MSH3: variants seen among roughly 807,000 people sequenced by gnomAD.
The protein encoded by MSH3 is mutS homolog 3.
Under a neutral mutation model 123.3 loss-of-function variants are expected in MSH3, and 106 were observed. The observed-to-expected ratio is 0.86, with a 90% confidence interval of 0.73 to 1.01. MSH3 has a LOEUF of 1.01. Ranked by LOEUF, MSH3 falls within the 50% of genes least tolerant of loss-of-function variation. The pLI is 0.00. For missense variants in MSH3, 1,459 were observed against 1,347.6 expected, an observed-to-expected ratio of 1.08 and a Z score of -1.29; for synonymous variants, 515 against 481.4, an observed-to-expected ratio of 1.07 and a Z score of -0.91.
chr5:80,723,806 A>G (rs1010094100), intron 8 of MSH3, among the ~76,000 whole-genome samples: 6 of 152,034 alleles, frequency 3.9e-5, no homozygotes, highest in African/African-American at 1.5e-4. Flanking sequence ...ACTCTTGCTC[A>G]GGCTGGAGTG....
At chr5:80,850,345 A>G (rs1400668379) in intron 20 of MSH3, among the ~76,000 whole-genome samples, 2 of 152,136 alleles carry the variant, frequency 1.3e-5, no homozygotes, top group Admixed American at 1.3e-4. Flanking sequence ...CACTTTTTCA[A>G]GTATCTTTCC....
At chr5:80,846,331 G>A (rs2112097194) in intron 20 of MSH3, among the ~76,000 whole-genome samples, 1 of 151,878 alleles carries the variant, frequency 6.6e-6, no homozygotes, top group Middle Eastern at 3.4e-3. Flanking sequence ...CCTACTGGGA[G>A]GTGTCTCCCA....
chr5:80,729,492 CAAAT>C (rs1743373021), intron 10 of MSH3, among the ~76,000 whole-genome samples: 3 of 141,322 alleles, frequency 2.1e-5, no homozygotes, highest in Admixed American at 7.3e-5. Context: ...AGAATTCTGT[CAAAT>C]AAATTGTATT....
intron 20 of MSH3, among the ~76,000 whole-genome samples, chr5:80,844,802 G>A (rs776432627): frequency 4.6e-5 from 7 of 151,750 alleles, no homozygotes; most frequent in African/African-American, 1.7e-4. Context: ...GTTTTTGCAC[G>A]TGAGATGGGT....
At chr5:80,719,683 A>AAT (rs1473104143) in intron 8 of MSH3, among the ~76,000 whole-genome samples, 1 of 152,214 alleles carries the variant, frequency 6.6e-6, no homozygotes, top group Non-Finnish European at 1.5e-5. Context: ...TCACAGTTGT[A>AAT]ATATATCTGC....
chr5:80,743,700 C>T (rs1475672269), intron 11 of MSH3, among the ~76,000 whole-genome samples: 1 of 52,190 alleles, frequency 1.9e-5, no homozygotes, highest in Non-Finnish European at 3.7e-5. Context: ...AAAAATTAGC[C>T]GGGCGTGGTG....
intron 12 of MSH3, chr5:80,746,461 A>G (rs12517934): frequency 8.1e-6 from 4 of 496,382 alleles, no homozygotes; most frequent in South Asian, 1.5e-5. Flanking sequence ...TGTATTGGCA[A>G]CAGTCTTGTG....
At chr5:80,856,233 A>G (rs1429100295) in intron 21 of MSH3, among the ~76,000 whole-genome samples, 1 of 152,020 alleles carries the variant, frequency 6.6e-6, no homozygotes, top group Admixed American at 6.6e-5. Flanking sequence ...AGAGTGACTC[A>G]GGTTTTGTTT....
intron 8 of MSH3, among the ~76,000 whole-genome samples, chr5:80,714,130 CTTTTTTTTTT>C (rs34918629): frequency 4.7e-5 from 4 of 85,820 alleles, no homozygotes; most frequent in Non-Finnish European, 8.7e-5. Context: ...TTCAAATAGA[CTTTTTTTTTT>C]TTTTTTTTTT....
At chr5:80,792,157 C>A (rs953796779) in intron 18 of MSH3, among the ~76,000 whole-genome samples, 2 of 151,936 alleles carry the variant, frequency 1.3e-5, no homozygotes, top group African/African-American at 4.8e-5. Context: ...TTATTGTATT[C>A]ATTAATGAAA....
intron 8 of MSH3, among the ~76,000 whole-genome samples, chr5:80,695,647 A>G (rs1183348917): frequency 6.6e-6 from 1 of 151,812 alleles, no homozygotes; most frequent in Admixed American, 6.6e-5. Context: ...TTTTTTGTTT[A>G]TGCCTTCTAT....
Position 80,776,911 on chromosome 5 carries a change from A to AAT in MSH3, c.2318+1170_2318+1171dup, listed in dbSNP as rs1300433748. 1.7e-3 allele frequency among the ~76,000 whole-genome samples: 243 copies of AAT among 140,990 alleles called. 1 individual carries two copies. The highest frequency in any genetic ancestry group is 4.5e-3 in the African/African-American group (174 of 38,796). 92.5% of individuals were successfully genotyped at this position (140,990 alleles called of 152,430 possible). A position where few individuals can be genotyped will look rare whatever the true frequency, so the allele number is the denominator to read the frequency against. ...ACATATATACAAAAAATATAATACA[A>AAT]ATATATATATATATATATTTTTTTT... On this transcript the variant is annotated intron_variant, in intron 16 of 23. Transcript: ENST00000265081.
intron 9 of MSH3, among the ~76,000 whole-genome samples, chr5:80,726,091 G>A (rs1029081035): frequency 1.3e-5 from 2 of 152,180 alleles, no homozygotes; most frequent in Non-Finnish European, 2.9e-5. Context: ...TCTAGTGACA[G>A]GTCGAAATAT....
chr5:80,826,890 T>C (rs969682007), intron 20 of MSH3, among the ~76,000 whole-genome samples: 2 of 152,184 alleles, frequency 1.3e-5, no homozygotes, highest in African/African-American at 2.4e-5. Context: ...CACATGAATC[T>C]TTTCCTGAAT....
intron 8 of MSH3, among the ~76,000 whole-genome samples, chr5:80,683,124 G>A (rs565922072): frequency 6.6e-6 from 1 of 152,300 alleles, no homozygotes; most frequent in South Asian, 2.1e-4. Flanking sequence ...ACACCTGGGT[G>A]CTCGCAAATC....
chr5:80,765,945 A>G lies in MSH3; in HGVS notation c.1897-1988A>G, dbSNP rs182134315. Among the ~76,000 whole-genome samples the G allele has an allele frequency of 3.0e-4, 46 of 152,308 alleles. No homozygotes were observed. In the East Asian group the frequency reaches 8.3e-3, roughly 27 times the overall value. ...CATTTGATTGGTAGTTTGGATTGGT[A>G]TAAAATTCTAGGTTTTAGATGACTT... On this transcript the variant is annotated intron_variant, in intron 13 of 23. Transcript: ENST00000265081.
chr5:80,815,393 G>A (rs1286432621), intron 20 of MSH3, among the ~76,000 whole-genome samples: 1 of 151,790 alleles, frequency 6.6e-6, no homozygotes, highest in Non-Finnish European at 1.5e-5. Flanking sequence ...AGAGAAAAAA[G>A]AAAAAAATTA....
chr5:80,781,446 T>G (rs1293227846), intron 17 of MSH3, among the ~76,000 whole-genome samples: 1 of 152,034 alleles, frequency 6.6e-6, no homozygotes, highest in Non-Finnish European at 1.5e-5. Context: ...TGATTCTTTC[T>G]TCCTTTTGGT....
chr5:80,845,227 C>A (rs989749866), intron 20 of MSH3, among the ~76,000 whole-genome samples: 1 of 152,166 alleles, frequency 6.6e-6, no homozygotes, highest in Non-Finnish European at 1.5e-5. Flanking sequence ...TGAATATTGG[C>A]CCCCACTCTC....
Sources: allele counts gnomAD v4.1 joint callset (sites outside exome capture counted in the v4.1 genomes callset), GRCh38; gene constraint gnomAD v4.1.1; transcripts MANE v1.5; gene names NCBI Gene and HGNC (gene_info 2026-07-23, HGNC 2026-07-21).